MYO9A: variants seen among roughly 807,000 people sequenced by gnomAD.
MYO9A encodes the protein myosin IXA.
A neutral mutation model predicts 293.3 loss-of-function variants in MYO9A; 103 were observed. The ratio of observed to expected loss-of-function variants is 0.35; its 90% CI spans 0.30 to 0.41. The LOEUF is 0.41. MYO9A is among the 10% of genes least tolerant of loss of function. The pLI is 1.00. For missense variants in MYO9A, 2,685 were observed against 3,033.0 expected, an observed-to-expected ratio of 0.89 and a Z score of 2.69; for synonymous variants, 1,001 against 1,035.7, an observed-to-expected ratio of 0.97 and a Z score of 0.64.
intron 16 of MYO9A, 149 bp from the exon 17 acceptor site, chr15:71,935,633 A>G: frequency 1.4e-6 from 1 of 719,126 alleles, no homozygotes; most frequent in African/African-American, 1.8e-5. Context: ...AATGACTGCC[A>G]ATCAGTTGGG....
chr15:72,118,173 T>G (rs2081077224), upstream of MYO9A: 1 of 361,802 alleles, frequency 2.8e-6, no homozygotes, highest in African/African-American at 2.1e-5. Context: ...CGCCCCCTAC[T>G]GCCAGCACGG....
intron 1 of MYO9A, among the ~76,000 whole-genome samples, chr15:72,116,001 T>C (rs1022520833): frequency 5.9e-5 from 9 of 152,164 alleles, no homozygotes; most frequent in African/African-American, 1.9e-4. Context: ...CTCTAGGATG[T>C]AGTATTAAGT....
chr15:72,116,927 C>T (rs2081002788), intron 1 of MYO9A: 1 of 152,252 alleles, frequency 6.6e-6, no homozygotes, highest in South Asian at 2.1e-4. Context: ...CCAACCCCTC[C>T]AAACATGGGT....
chr15:72,072,456 A>AT (rs1449768572), intron 1 of MYO9A, among the ~76,000 whole-genome samples: 9 of 152,224 alleles, frequency 5.9e-5, no homozygotes, highest in Non-Finnish European at 1.3e-4. Context: ...TCTTATGTTT[A>AT]TCACAGCACT....
intron 8 of MYO9A, among the ~76,000 whole-genome samples, chr15:72,006,974 C>T (rs1039263036): frequency 1.3e-5 from 2 of 152,078 alleles, no homozygotes; most frequent in Admixed American, 6.6e-5. Context: ...TGGCAGAGGA[C>T]AGAAGACAGC....
intron 1 of MYO9A, among the ~76,000 whole-genome samples, chr15:72,082,802 GTTGT>G (rs950431988): frequency 6.7e-6 from 1 of 149,984 alleles, no homozygotes; most frequent in African/African-American, 2.5e-5. Flanking sequence ...GGTTTTTTTA[GTTGT>G]TTATGTGACG....
At chr15:71,866,824 C>G (rs926513053) in intron 32 of MYO9A, among the ~76,000 whole-genome samples, 1 of 151,998 alleles carries the variant, frequency 6.6e-6, no homozygotes, top group Non-Finnish European at 1.5e-5. Flanking sequence ...TTTGGGACGC[C>G]GAGGCGGGTG....
At chr15:72,044,583 T>C (rs894155265) in intron 2 of MYO9A, among the ~76,000 whole-genome samples, 4 of 152,164 alleles carry the variant, frequency 2.6e-5, no homozygotes, top group Non-Finnish European at 5.9e-5. Context: ...TCTGTTTCTA[T>C]GCATTCAACT....
chr15:71,828,381 T>TC (rs1343408752), intron 40 of MYO9A, among the ~76,000 whole-genome samples: 2 of 152,130 alleles, frequency 1.3e-5, no homozygotes, highest in African/African-American at 4.8e-5. Flanking sequence ...AAAGTACCTT[T>TC]CTCTTCTGGA....
At position 71,825,279 on chromosome 15, in the gene MYO9A, T is replaced by TG. The variant is rs899599613; in HGVS notation, c.*1300dup. ...CAGGGACGAATGGCTCTCATCCCCC[T>TG]GTCCAGTGGCCCCTCATCTGTGGGA... On this transcript the variant is annotated 3_prime_UTR_variant, in exon 42 of 42. Coordinates refer to ENST00000356056, the MANE Select transcript of MYO9A (RefSeq NM_006901.4). 2.6e-5 allele frequency: 4 copies of TG among 152,202 alleles called. No homozygotes were observed. The highest frequency in any genetic ancestry group is 9.6e-5 in the African/African-American group (4 of 41,456). 9.4% of individuals were successfully genotyped at this position (152,202 alleles called of 1,614,324 possible).
chr15:71,891,475 C>T (rs2057176062), intron 26 of MYO9A: 1 of 152,170 alleles, frequency 6.6e-6, no homozygotes, highest in Non-Finnish European at 1.5e-5. Flanking sequence ...GTATACTAGA[C>T]AAAGCAGGAC....
At chr15:72,028,222 T>A (rs865949774) in intron 3 of MYO9A, among the ~76,000 whole-genome samples, 1,492 of 141,720 alleles carry the variant, frequency 0.011, 23 homozygotes, top group African/African-American at 0.036. Flanking sequence ...TAAATAAATA[T>A]ATATATATAT....
At chr15:72,095,909 G>A (rs924553778) in intron 1 of MYO9A, among the ~76,000 whole-genome samples, 3 of 152,076 alleles carry the variant, frequency 2.0e-5, no homozygotes, top group East Asian at 3.9e-4. Flanking sequence ...GTGAAACCTC[G>A]TCTTTATAAA....
At chr15:72,056,804 C>T (rs1445477402) in intron 1 of MYO9A, among the ~76,000 whole-genome samples, 3 of 151,916 alleles carry the variant, frequency 2.0e-5, no homozygotes, top group African/African-American at 4.8e-5. Context: ...GGCAAAACTC[C>T]GTCTCTACTA....
At chr15:71,930,341 T>C (rs1567285208) in intron 18 of MYO9A, among the ~76,000 whole-genome samples, 1 of 152,168 alleles carries the variant, frequency 6.6e-6, no homozygotes, top group Non-Finnish European at 1.5e-5. Context: ...TATCTCTCTC[T>C]TCAGATGTCT....
At chr15:71,868,016 C>T (rs1858441511) in intron 32 of MYO9A, among the ~76,000 whole-genome samples, 1 of 152,166 alleles carries the variant, frequency 6.6e-6, no homozygotes. Flanking sequence ...TAAAACAACA[C>T]CTATCATTTG....
intron 30 of MYO9A, 96 bp downstream of exon 30, chr15:71,879,625 C>T: frequency 1.1e-6 from 1 of 879,310 alleles, no homozygotes; most frequent in Non-Finnish European, 1.7e-6. Flanking sequence ...CTGGAGAAAT[C>T]TCTTACGAAA....
chr15:72,105,175 G>C lies in MYO9A; in HGVS notation c.-72+12505C>G, dbSNP rs185378299. Among the ~76,000 whole-genome samples the C allele has an allele frequency of 1.5e-3, 230 of 152,284 alleles. 1 individual carries two copies. Among genetic ancestry groups the C allele is most frequent in the Non-Finnish European group, 1.9e-3 (131 of 68,024 alleles). Reference sequence around the variant, plus strand: ...TACAAGACTCTTCTGGAAAAAATCAGCTCCTTCTCAGTCACTTGGGAAAAA... The same window carrying C: ...TACAAGACTCTTCTGGAAAAAATCACCTCCTTCTCAGTCACTTGGGAAAAA... On this transcript the variant is annotated intron_variant, in intron 1 of 41. Coordinates refer to ENST00000356056, the MANE Select transcript of MYO9A (RefSeq NM_006901.4).
At chr15:71,894,992 C>G (rs1015579510) in intron 25 of MYO9A, among the ~76,000 whole-genome samples, 1 of 152,154 alleles carries the variant, frequency 6.6e-6, no homozygotes, top group African/African-American at 2.4e-5. Context: ...TTCTTCCATT[C>G]AAAATCTTTC....
Sources: allele counts gnomAD v4.1 joint callset (sites outside exome capture counted in the v4.1 genomes callset), GRCh38; gene constraint gnomAD v4.1.1; transcripts MANE v1.5; gene names NCBI Gene and HGNC (gene_info 2026-07-23, HGNC 2026-07-21).